CA10: variants seen among roughly 807,000 people sequenced by gnomAD.
CA10 encodes carbonic anhydrase 10 (inactive).
Under a neutral mutation model 44.2 loss-of-function variants are expected in CA10, and 14 were observed. The observed-to-expected ratio is 0.32, with a 90% confidence interval of 0.21 to 0.50. The LOEUF (loss-of-function observed/expected upper bound fraction) is 0.50. CA10 is among the 20% of genes least tolerant of loss of function. The probability of loss-of-function intolerance (pLI) is 0.99; values close to 1 mark genes in which losing one functional copy is unlikely to be tolerated. For synonymous variants in CA10, 159 were observed against 141.6 expected, an observed-to-expected ratio of 1.12 and a Z score of -0.87; for missense variants, 350 against 409.7, an observed-to-expected ratio of 0.85 and a Z score of 1.26.
At chr17:51,925,383 A>G (rs1354378979) in intron 3 of CA10, among the ~76,000 whole-genome samples, 1 of 152,024 alleles carries the variant, frequency 6.6e-6, no homozygotes, top group African/African-American at 2.4e-5. Flanking sequence ...TCACAGTGAG[A>G]GATCACTTCA....
chr17:51,824,930 G>T (rs1190525042), intron 3 of CA10, among the ~76,000 whole-genome samples: 4 of 152,246 alleles, frequency 2.6e-5, no homozygotes, highest in African/African-American at 9.6e-5. Context: ...TGGCAGCGGT[G>T]CTGGCTAGCC....
At chr17:51,891,945 G>A (rs944089971) in intron 3 of CA10, among the ~76,000 whole-genome samples, 3 of 152,220 alleles carry the variant, frequency 2.0e-5, no homozygotes, top group African/African-American at 7.2e-5. Flanking sequence ...ATGGGGGGCT[G>A]AGAAATTGAG....
intron 3 of CA10, among the ~76,000 whole-genome samples, chr17:51,754,447 A>ATATATATG (rs1462140708): frequency 8.5e-6 from 1 of 117,288 alleles, no homozygotes; most frequent in African/African-American, 3.2e-5. Flanking sequence ...ATATATATAT[A>ATATATATG]TCACGTAAAA....
At chr17:52,082,415 G>A (rs1035771285) in intron 1 of CA10, among the ~76,000 whole-genome samples, 34 of 152,130 alleles carry the variant, frequency 2.2e-4, no homozygotes, top group African/African-American at 7.5e-4. Flanking sequence ...CAAACATTAC[G>A]TCTTGTTTTT....
At chr17:51,857,344 G>A (rs368964130) in intron 3 of CA10, among the ~76,000 whole-genome samples, 3 of 152,210 alleles carry the variant, frequency 2.0e-5, no homozygotes, top group Non-Finnish European at 2.9e-5. Context: ...AAGGCTATCC[G>A]ATTCAAAAGG....
intron 1 of CA10, among the ~76,000 whole-genome samples, chr17:52,100,358 A>G (rs571102855): frequency 6.6e-6 from 1 of 152,260 alleles, no homozygotes; most frequent in African/African-American, 2.4e-5. Flanking sequence ...GGCAGTGAAA[A>G]GGTATAGGAG....
intron 2 of CA10, among the ~76,000 whole-genome samples, chr17:52,000,223 G>A (rs945326126): frequency 5.3e-5 from 8 of 152,026 alleles, no homozygotes; most frequent in African/African-American, 1.9e-4. Context: ...TCAAGCCCTG[G>A]GCCACTGATG....
At chr17:52,091,168 T>C (rs1439238721) in intron 1 of CA10, among the ~76,000 whole-genome samples, 1 of 152,118 alleles carries the variant, frequency 6.6e-6, no homozygotes, top group East Asian at 1.9e-4. Context: ...AAAAAATATC[T>C]GGAAGGAAAT....
At chr17:51,846,868 T>C (rs895091784) in intron 3 of CA10, among the ~76,000 whole-genome samples, 2 of 152,302 alleles carry the variant, frequency 1.3e-5, no homozygotes, top group South Asian at 2.1e-4. Flanking sequence ...TGCCCTAAAA[T>C]GGTTAGGAAG....
chr17:52,118,092 A>T (rs1187380533), intron 1 of CA10, among the ~76,000 whole-genome samples: 1 of 152,210 alleles, frequency 6.6e-6, no homozygotes, highest in Non-Finnish European at 1.5e-5. Flanking sequence ...GATTATAAGG[A>T]TCTCACCTGG....
chr17:52,088,808 A>T (rs1481234176), intron 1 of CA10, among the ~76,000 whole-genome samples: 1 of 152,204 alleles, frequency 6.6e-6, no homozygotes, highest in Non-Finnish European at 1.5e-5. Flanking sequence ...AAAGAAAAAA[A>T]CCCTTACACT....
At chr17:51,798,992 GA>G (rs1239453208) in intron 3 of CA10, among the ~76,000 whole-genome samples, 2 of 152,310 alleles carry the variant, frequency 1.3e-5, no homozygotes, top group African/African-American at 4.8e-5. Flanking sequence ...ACAGGGTGGG[GA>G]AACAGTGGGG....
At chr17:51,707,632 C>T (rs1321486121) in intron 4 of CA10, among the ~76,000 whole-genome samples, 2 of 146,086 alleles carry the variant, frequency 1.4e-5, no homozygotes, top group South Asian at 2.2e-4. Context: ...AGGCATTGTG[C>T]CTGTTGAGCA....
In CA10 at chr17:52,158,435, T is replaced by C. The variant is rs1989865887; in HGVS notation, c.-649A>G. 1 of 156,980 alleles carries C rather than the reference T, an allele frequency of 6.4e-6. No homozygotes were observed. Among genetic ancestry groups the C allele is most frequent in the Non-Finnish European group, 1.4e-5 (1 of 71,748 alleles). 9.7% of individuals were successfully genotyped at this position (156,980 alleles called of 1,614,324 possible). A position where few individuals can be genotyped will look rare whatever the true frequency, so the allele number is the denominator to read the frequency against. ...CACAGAGAAAGAGAGGCAGGGATTATTGCCCGAAACCGCCAGCCGCCGGCA... is the reference window on the plus strand; with the variant it reads ...CACAGAGAAAGAGAGGCAGGGATTACTGCCCGAAACCGCCAGCCGCCGGCA... On this transcript the variant is annotated 5_prime_UTR_variant, in exon 1 of 9. Coordinates refer to ENST00000451037, the MANE Select transcript of CA10 (RefSeq NM_020178.5).
chr17:52,102,701 C>T (rs991677744), intron 1 of CA10, among the ~76,000 whole-genome samples: 7 of 152,182 alleles, frequency 4.6e-5, no homozygotes, highest in African/African-American at 1.7e-4. Flanking sequence ...AACCCTGAAC[C>T]ACTTGCTGCC....
intron 1 of CA10, among the ~76,000 whole-genome samples, chr17:52,097,434 G>C: frequency 6.6e-6 from 1 of 152,022 alleles, no homozygotes; most frequent in South Asian, 2.1e-4. Context: ...AATAATTCTG[G>C]TTCCAGAACA....
At chr17:51,649,353 T>C in intron 5 of CA10, 99 bp from the exon 6 acceptor site, 1 of 892,170 alleles carries the variant, frequency 1.1e-6, no homozygotes, top group Non-Finnish European at 1.8e-6. Context: ...ACTGAGTATC[T>C]ACCATGAGCC....
At chr17:52,126,200 T>C (rs957900947) in intron 1 of CA10, among the ~76,000 whole-genome samples, 6 of 152,246 alleles carry the variant, frequency 3.9e-5, no homozygotes, top group African/African-American at 1.2e-4. Flanking sequence ...CTAAATGTTA[T>C]AAAATAACAT....
chr17:51,850,505 T>C (rs9905286), intron 3 of CA10, among the ~76,000 whole-genome samples: 9,562 of 152,234 alleles, frequency 0.063, 635 homozygotes, highest in African/African-American at 0.17. Context: ...GTGAGGTCTC[T>C]GTAATAGGTG....
Sources: gnomAD v4.1 joint callset for allele counts (sites outside exome capture counted in the v4.1 genomes callset) on GRCh38, gnomAD v4.1.1 for gene constraint, MANE v1.5 for transcripts, NCBI Gene and HGNC (gene_info 2026-07-23, HGNC 2026-07-21) for gene names.